MREG: variants seen among roughly 807,000 people sequenced by gnomAD.
MREG encodes dilute suppressor protein homolog.
MREG carries 31 observed loss-of-function variants against 28.5 expected under a neutral mutation model. The observed-to-expected ratio is 1.09, with a 90% CI of 0.82 to 1.47. MREG has a LOEUF of 1.47. MREG is among the 40% of genes most tolerant of loss of function. The pLI, the probability that MREG is intolerant of heterozygous loss-of-function variation, is 0.00. For missense variants in MREG, 256 were observed against 257.4 expected (o/e 0.99, Z 0.04); for synonymous variants, 106 against 95.2 (o/e 1.11, Z -0.66).
At chr2:215,979,976 AAC>A (rs1491419788) in intron 2 of MREG, among the ~76,000 whole-genome samples, 2 of 34,596 alleles carry the variant, frequency 5.8e-5, no homozygotes, top group East Asian at 1.0e-3. Context: ...AAAACAAACA[AAC>A]AAAAAAAAAA....
chr2:215,985,485 T>C (rs962610084), intron 2 of MREG, among the ~76,000 whole-genome samples: 5 of 152,244 alleles, frequency 3.3e-5, no homozygotes, highest in Non-Finnish European at 7.3e-5. Flanking sequence ...AGAAGCCTTA[T>C]GTAAATGAAG....
intron 2 of MREG, among the ~76,000 whole-genome samples, chr2:215,949,171 G>A (rs778061106): frequency 3.3e-5 from 5 of 151,600 alleles, no homozygotes; most frequent in Non-Finnish European, 5.9e-5. Flanking sequence ...GCTGAGGCAG[G>A]AGAATCACTT....
In MREG at chr2:216,031,442, A is replaced by AG. The variant is rs1559203825; in HGVS notation, c.-68+1346_-68+1347insC. Among the ~76,000 whole-genome samples, 544 of 138,184 alleles carry AG rather than the reference A, an allele frequency of 3.9e-3. 3 individuals carry two copies. The highest frequency in any genetic ancestry group is 0.011 in the African/African-American group (390 of 35,198). 90.7% of individuals were successfully genotyped at this position (138,184 alleles called of 152,430 possible). A position where few individuals can be genotyped will look rare whatever the true frequency, so the allele number is the denominator to read the frequency against. On this transcript the variant is annotated intron_variant, in intron 1 of 3. Coordinates refer to the MREG transcript ENST00000420348. ...GAAGAAAGAAAGAAAAGAAAGAAAG[A>AG]AAAAGAAAGAAAGAGAGAAAGAAAG...
intron 1 of MREG, among the ~76,000 whole-genome samples, chr2:216,031,965 G>A (rs1333022008): frequency 1.3e-5 from 2 of 152,140 alleles, no homozygotes; most frequent in Non-Finnish European, 2.9e-5. Context: ...TTTTTAAAAG[G>A]CTTCAGTAAA....
intron 2 of MREG, among the ~76,000 whole-genome samples, chr2:215,964,694 T>C (rs551463109): frequency 6.6e-6 from 1 of 152,280 alleles, no homozygotes; most frequent in African/African-American, 2.4e-5. Context: ...GAGGGTCTAG[T>C]GAAAGGGGCT....
chr2:216,033,673 G>T (rs1173346766), upstream of MREG: 2 of 152,366 alleles, frequency 1.3e-5, no homozygotes, highest in Admixed American at 1.3e-4. Flanking sequence ...AGAACAGGTG[G>T]TGGGCCTACC....
chr2:215,996,393 G>A lies in MREG; in HGVS notation c.168C>T (p.Pro56=). The A allele has an allele frequency of 1.9e-6, 3 of 1,613,528 alleles. No homozygotes were observed. Among genetic ancestry groups the A allele is most frequent in the Non-Finnish European group, 2.5e-6 (3 of 1,179,528 alleles). The stretch of plus-strand genomic sequence containing the variant: ...CTGCCTCTGTGTGGGACACATCATG[G>A]GGCATACTCCATAAATTCTTCTCAT... The part of the protein sequence containing the change: ...RDDEKNLWSM[P]HDVSHTEADD... The change falls in exon 2 of 5, where the codon CCC becomes CCT. Residue 56 remains proline (P), a synonymous_variant. Transcript: ENST00000263268.
At chr2:215,940,588 C>G (rs767959259), downstream of MREG, among the ~76,000 whole-genome samples, 1 of 152,150 alleles carries the variant, frequency 6.6e-6, no homozygotes, top group Non-Finnish European at 1.5e-5. Flanking sequence ...TGATGATGGT[C>G]TTGAAAAACC....
At chr2:216,018,523 A>G (rs1413378177), upstream of MREG, among the ~76,000 whole-genome samples, 3 of 152,236 alleles carry the variant, frequency 2.0e-5, no homozygotes, top group Admixed American at 6.5e-5. Flanking sequence ...TGAGGAGTCT[A>G]TTTATGAGCT....
chr2:215,981,476 G>A (rs188133317), intron 2 of MREG, among the ~76,000 whole-genome samples: 17 of 152,286 alleles, frequency 1.1e-4, no homozygotes, highest in African/African-American at 4.1e-4. Flanking sequence ...GAGAAAGAAA[G>A]TAGAAAGTTG....
downstream of MREG, among the ~76,000 whole-genome samples, chr2:215,940,043 C>T (rs1403420331): frequency 3.3e-5 from 5 of 152,068 alleles, no homozygotes; most frequent in Non-Finnish European, 7.4e-5. Context: ...AGGTGAGAAA[C>T]AATATCAAAT....
At chr2:216,032,454 C>T (rs778413542) in intron 1 of MREG, among the ~76,000 whole-genome samples, 2 of 152,206 alleles carry the variant, frequency 1.3e-5, no homozygotes, top group Non-Finnish European at 2.9e-5. Context: ...CCTCCGTTGA[C>T]CCAGTTGGCT....
At chr2:215,950,437 T>C (rs904767453) in intron 2 of MREG, among the ~76,000 whole-genome samples, 1 of 152,204 alleles carries the variant, frequency 6.6e-6, no homozygotes, top group African/African-American at 2.4e-5. Context: ...AAGCAACACA[T>C]AACTAATAAT....
rs144715546 is a variant in MREG at position 215,994,601 on chromosome 2, A to G, written c.255+1705T>C. ...AAGAGGGAGAAGGGGAAGAAGAAGG[A>G]GAAGAAGAGGAAGAAGAAGAGAAGA... On this transcript the variant is annotated intron_variant, in intron 2 of 4. Coordinates refer to ENST00000263268, the MANE Select transcript of MREG (RefSeq NM_018000.3). Among the ~76,000 whole-genome samples the G allele has an allele frequency of 3.6e-5, 4 of 110,036 alleles. No homozygotes were observed. The East Asian group carries it at 1.2e-3, about 34-fold the overall frequency. The allele number at this position is 110,036 out of a possible 152,430, so 72.2% of individuals were successfully genotyped here.
At chr2:215,951,455 A>C (rs1452810172) in intron 2 of MREG, among the ~76,000 whole-genome samples, 1 of 152,238 alleles carries the variant, frequency 6.6e-6, no homozygotes, top group Non-Finnish European at 1.5e-5. Flanking sequence ...ATTCTACCAG[A>C]CATCAAAAGT....
At chr2:215,984,188 C>T (rs551087658) in intron 2 of MREG, among the ~76,000 whole-genome samples, 5 of 152,182 alleles carry the variant, frequency 3.3e-5, no homozygotes, top group African/African-American at 4.8e-5. Context: ...TTTTAAAAAC[C>T]ATCAGATCTC....
intron 1 of MREG, among the ~76,000 whole-genome samples, chr2:216,026,713 G>A (rs1424272983): frequency 6.6e-6 from 1 of 151,420 alleles, no homozygotes; most frequent in Non-Finnish European, 1.5e-5. Flanking sequence ...ATAAAATGGG[G>A]TAAAACATAC....
Position 215,949,081 on chromosome 2 carries a change from C to CTAATAA in MREG, c.256-1969_256-1968insTTATTA, listed in dbSNP as rs1491250872. 4.5e-3 allele frequency among the ~76,000 whole-genome samples: 435 copies of CTAATAA among 96,360 alleles called. 2 individuals carry two copies. The highest frequency in any genetic ancestry group is 6.3e-3 in the South Asian group (19 of 3,008). 63.2% of individuals were successfully genotyped at this position (96,360 alleles called of 152,430 possible). A position where few individuals can be genotyped will look rare whatever the true frequency, so the allele number is the denominator to read the frequency against. ...ACTACTACTACTACTACTACTACTA[C>CTAATAA]TACTACTAATAATAATAATAATAAT... On this transcript the variant is annotated intron_variant, in intron 2 of 4. Transcript: ENST00000263268.
intron 1 of MREG, among the ~76,000 whole-genome samples, chr2:215,997,071 G>A (rs1329267389): frequency 1.3e-5 from 2 of 152,228 alleles, no homozygotes; most frequent in African/African-American, 2.4e-5. Context: ...GTGAGCCACC[G>A]CGCCCAGCCA....
Sources: gnomAD v4.1 joint callset for allele counts (sites outside exome capture counted in the v4.1 genomes callset) on GRCh38, gnomAD v4.1.1 for gene constraint, MANE v1.5 for transcripts, NCBI Gene and HGNC (gene_info 2026-07-23, HGNC 2026-07-21) for gene names.